ADGRL3: variants seen among roughly 807,000 people sequenced by gnomAD.
ADGRL3 encodes the protein calcium-independent alpha-latrotoxin receptor 3.
ADGRL3 carries 62 observed loss-of-function variants against 153.5 expected under a neutral mutation model. That is an observed-to-expected ratio of 0.40 (90% CI 0.33 to 0.50). The LOEUF (loss-of-function observed/expected upper bound fraction) is 0.50, where lower values mean the gene tolerates loss of function less well. Ranked by LOEUF, ADGRL3 falls within the 20% of genes least tolerant of loss-of-function variation. ADGRL3 has a pLI of 0.47. For missense variants in ADGRL3, 1,641 were observed against 1,859.4 expected (o/e 0.88, Z 2.16); for synonymous variants, 710 against 672.5 (o/e 1.06, Z -0.86).
intron 9 of ADGRL3, among the ~76,000 whole-genome samples, chr4:61,862,477 G>C (rs2098352210): frequency 6.6e-6 from 1 of 152,048 alleles, no homozygotes. Flanking sequence ...GAAGGAGATG[G>C]GACCGGGATA....
intron 4 of ADGRL3, among the ~76,000 whole-genome samples, chr4:61,581,525 C>T (rs1185352619): frequency 1.3e-5 from 2 of 151,980 alleles, no homozygotes; most frequent in Non-Finnish European, 2.9e-5. Flanking sequence ...GAAAGAATTG[C>T]TCTTAAAGGG....
intron 21 of ADGRL3, 116 bp from the exon 22 acceptor site, chr4:62,028,739 T>G: frequency 1.5e-6 from 1 of 673,536 alleles, no homozygotes; most frequent in Non-Finnish European, 2.5e-6. Flanking sequence ...ATGATTTCTT[T>G]TAGGGAGGTG....
intron 5 of ADGRL3, among the ~76,000 whole-genome samples, chr4:61,594,117 C>A (rs893353277): frequency 1.3e-5 from 2 of 152,172 alleles, no homozygotes; most frequent in Non-Finnish European, 2.9e-5. Flanking sequence ...ATATCAATTG[C>A]ATTTTCAAGT....
At chr4:61,684,862 A>G (rs1157903916) in intron 6 of ADGRL3, among the ~76,000 whole-genome samples, 1 of 151,798 alleles carries the variant, frequency 6.6e-6, no homozygotes. Flanking sequence ...TAAATTTGCA[A>G]CTGTTGCTCT....
chr4:61,608,736 A>G (rs1416646645), intron 5 of ADGRL3, among the ~76,000 whole-genome samples: 1 of 152,178 alleles, frequency 6.6e-6, no homozygotes, highest in Admixed American at 6.5e-5. Context: ...GGAATTTACT[A>G]TAACTTTTAT....
intron 1 of ADGRL3, among the ~76,000 whole-genome samples, chr4:61,272,142 C>T (rs1409157381): frequency 2.0e-5 from 3 of 151,932 alleles, no homozygotes; most frequent in African/African-American, 4.8e-5. Context: ...TTATAAGACA[C>T]TAAAACATTT....
At chr4:61,577,086 G>A (rs778967008) in intron 4 of ADGRL3, among the ~76,000 whole-genome samples, 3 of 151,680 alleles carry the variant, frequency 2.0e-5, no homozygotes, top group Non-Finnish European at 4.4e-5. Flanking sequence ...TTTCCCTAGG[G>A]ACAAAACAAA....
rs186064352 is a variant in ADGRL3 at position 62,060,026 on chromosome 4, C to T, written c.3815-8140C>T. ...GTTTCATTAGAATTCCAATATGAAA[C>T]TCCTCTTTTTTTGAATGATTAATCC... On this transcript the variant is annotated intron_variant, in intron 25 of 26. Coordinates refer to ENST00000683033, the MANE Select transcript of ADGRL3 (RefSeq NM_001387552.1). Among the ~76,000 whole-genome samples, 65 of 152,018 alleles carry T rather than the reference C, an allele frequency of 4.3e-4. No individual in the cohort carries two copies. In the East Asian group the frequency reaches 0.011, roughly 26 times the overall value.
At chr4:61,871,749 A>G (rs1211425468) in intron 9 of ADGRL3, among the ~76,000 whole-genome samples, 2 of 152,178 alleles carry the variant, frequency 1.3e-5, no homozygotes, top group African/African-American at 4.8e-5. Context: ...AGGTAGCTGA[A>G]TTATATGGTA....
At chr4:61,713,543 A>G (rs975712807) in intron 6 of ADGRL3, among the ~76,000 whole-genome samples, 2 of 151,914 alleles carry the variant, frequency 1.3e-5, no homozygotes, top group Non-Finnish European at 2.9e-5. Flanking sequence ...ACTTTTGTAT[A>G]TGTAAATCAG....
intron 6 of ADGRL3, among the ~76,000 whole-genome samples, chr4:61,684,206 A>G (rs1032487714): frequency 7.9e-5 from 12 of 152,182 alleles, no homozygotes; most frequent in African/African-American, 2.9e-4. Flanking sequence ...TCTGAATGTC[A>G]TTAATTGATA....
chr4:61,928,597 C>T (rs1013581936), intron 13 of ADGRL3, among the ~76,000 whole-genome samples: 1 of 152,106 alleles, frequency 6.6e-6, no homozygotes, highest in Non-Finnish European at 1.5e-5. Flanking sequence ...TTGGAAATTA[C>T]CTTTGGAAAC....
chr4:61,574,684 A>T (rs1251806117), intron 4 of ADGRL3, among the ~76,000 whole-genome samples: 1 of 151,850 alleles, frequency 6.6e-6, no homozygotes, highest in Middle Eastern at 3.2e-3. Flanking sequence ...TTGACATACA[A>T]AACAATTTTG....
At chr4:61,570,464 C>G (rs1476657696) in intron 4 of ADGRL3, among the ~76,000 whole-genome samples, 3 of 152,130 alleles carry the variant, frequency 2.0e-5, no homozygotes, top group African/African-American at 4.8e-5. Context: ...TCTAAATTCT[C>G]TCAAATTCAT....
chr4:61,858,980 G>T (rs186530078), intron 9 of ADGRL3, among the ~76,000 whole-genome samples: 4 of 152,084 alleles, frequency 2.6e-5, no homozygotes, highest in Non-Finnish European at 5.9e-5. Flanking sequence ...TTAAAAGATC[G>T]GAGTCAATAA....
At chr4:61,972,192 T>G (rs1171318516) in intron 17 of ADGRL3, among the ~76,000 whole-genome samples, 2 of 152,180 alleles carry the variant, frequency 1.3e-5, no homozygotes, top group Non-Finnish European at 2.9e-5. Flanking sequence ...TTGGCTTTTG[T>G]TGCCATTGCT....
rs538835026 is a variant in ADGRL3, at chr4:62,006,277, C to G, written c.3395+8012C>G. On this transcript the variant is annotated intron_variant, in intron 21 of 26. Transcript: ENST00000683033. ...TCTCGAATTCCTGACCTTAGGTGAT[C>G]AGCCCGCTTTGGCCTCCCAAAGTGC... Among the ~76,000 whole-genome samples, 27 of 151,806 alleles carry G rather than the reference C, an allele frequency of 1.8e-4. No individual in the cohort carries two copies. In the East Asian group the frequency reaches 5.1e-3, roughly 28 times the overall value.
At chr4:61,543,134 T>TCCCCCCCA (rs2098698188) in intron 4 of ADGRL3, among the ~76,000 whole-genome samples, 1 of 124,456 alleles carries the variant, frequency 8.0e-6, no homozygotes, top group Non-Finnish European at 1.7e-5. Flanking sequence ...GAATTATCCC[T>TCCCCCCCA]CCCCCCCACC....
At chr4:61,505,834 A>G (rs1390538049) in intron 3 of ADGRL3, among the ~76,000 whole-genome samples, 2 of 148,830 alleles carry the variant, frequency 1.3e-5, no homozygotes, top group Non-Finnish European at 3.0e-5. Context: ...TAAAAAAAAA[A>G]CAAACAAAAA....
Sources: allele counts gnomAD v4.1 joint callset (sites outside exome capture counted in the v4.1 genomes callset), GRCh38; gene constraint gnomAD v4.1.1; transcripts MANE v1.5; gene names NCBI Gene and HGNC (gene_info 2026-07-23, HGNC 2026-07-21).